Variants in TRAPPC9 observed in about 807,000 individuals in gnomAD.
TRAPPC9 encodes the protein trafficking protein particle complex subunit 9.
Under a neutral mutation model 124.0 loss-of-function variants are expected in TRAPPC9, and 83 were observed. The observed-to-expected ratio is 0.67, with a 90% CI of 0.56 to 0.80. The LOEUF is 0.80. Among genes scored for constraint, TRAPPC9 ranks in the 30% least tolerant of loss-of-function variants. The probability of loss-of-function intolerance (pLI) is 0.00; values close to 1 mark genes in which losing one functional copy is unlikely to be tolerated. For synonymous variants in TRAPPC9, 638 were observed against 617.5 expected (o/e 1.03, Z -0.49); for missense variants, 1,302 against 1,508.3 (o/e 0.86, Z 2.27).
At chr8:140,358,427 G>A (rs895015194) in intron 9 of TRAPPC9, among the ~76,000 whole-genome samples, 5 of 152,130 alleles carry the variant, frequency 3.3e-5, no homozygotes, top group Non-Finnish European at 7.3e-5. Flanking sequence ...GGCTGGTCTC[G>A]ATCTCCTGAC....
chr8:140,265,397 A>C (rs1043288054), intron 15 of TRAPPC9, among the ~76,000 whole-genome samples: 3 of 152,234 alleles, frequency 2.0e-5, no homozygotes, highest in Non-Finnish European at 4.4e-5. Context: ...GATGCCAACC[A>C]ACCAAGGTAT....
intron 5 of TRAPPC9, among the ~76,000 whole-genome samples, chr8:140,411,901 T>C (rs1488276433): frequency 6.6e-6 from 1 of 152,018 alleles, no homozygotes; most frequent in Non-Finnish European, 1.5e-5. Context: ...AAAATGCGAA[T>C]AAACACATAA....
intron 21 of TRAPPC9, among the ~76,000 whole-genome samples, chr8:139,850,730 C>T (rs1305697850): frequency 1.3e-5 from 2 of 152,164 alleles, no homozygotes; most frequent in African/African-American, 4.8e-5. Flanking sequence ...ATCCTTTCAC[C>T]ATCCAATTGT....
chr8:140,228,268 G>T (rs978136324), intron 16 of TRAPPC9, among the ~76,000 whole-genome samples: 2 of 152,198 alleles, frequency 1.3e-5, no homozygotes, highest in African/African-American at 4.8e-5. Flanking sequence ...GTTTGTCAGG[G>T]TATGCTGTTC....
At chr8:139,751,419 G>A (rs759124982) in intron 21 of TRAPPC9, among the ~76,000 whole-genome samples, 2 of 152,166 alleles carry the variant, frequency 1.3e-5, no homozygotes, top group African/African-American at 4.8e-5. Flanking sequence ...TGGTCCCAGG[G>A]CCATGCCCTA....
intron 17 of TRAPPC9, among the ~76,000 whole-genome samples, chr8:140,119,412 G>C (rs901689969): frequency 3.3e-5 from 5 of 152,120 alleles, no homozygotes; most frequent in Non-Finnish European, 7.4e-5. Flanking sequence ...CCACCACGCC[G>C]CCAGCACCAC....
At chr8:139,750,531 T>C (rs1459122372) in intron 21 of TRAPPC9, among the ~76,000 whole-genome samples, 2 of 152,170 alleles carry the variant, frequency 1.3e-5, no homozygotes. Flanking sequence ...AAAAGACCCA[T>C]GGAGCTGTGC....
chr8:140,035,364 T>C (rs1435068094), intron 17 of TRAPPC9, among the ~76,000 whole-genome samples: 1 of 152,338 alleles, frequency 6.6e-6, no homozygotes, highest in Non-Finnish European at 1.5e-5. Flanking sequence ...CCTTCCAAAG[T>C]TGTATGACTG....
intron 17 of TRAPPC9, among the ~76,000 whole-genome samples, chr8:140,126,676 T>C (rs1197228050): frequency 1.3e-5 from 2 of 152,258 alleles, no homozygotes; most frequent in East Asian, 3.8e-4. Context: ...ATTAGGACAG[T>C]GTATTTAGCC....
chr8:140,072,614 GA>G (rs1843252267), intron 17 of TRAPPC9, among the ~76,000 whole-genome samples: 2 of 142,876 alleles, frequency 1.4e-5, no homozygotes, highest in African/African-American at 5.6e-5. Flanking sequence ...GGAGGAGGAG[GA>G]GGAGGAGGAG....
intron 4 of TRAPPC9, among the ~76,000 whole-genome samples, chr8:140,430,388 T>C (rs1403680704): frequency 6.6e-6 from 1 of 151,902 alleles, no homozygotes; most frequent in Non-Finnish European, 1.5e-5. Flanking sequence ...CCACCCCCAT[T>C]CCTCCCCCAC....
At chr8:140,082,946 G>A (rs1054369751) in intron 17 of TRAPPC9, among the ~76,000 whole-genome samples, 2 of 152,190 alleles carry the variant, frequency 1.3e-5, no homozygotes, top group Non-Finnish European at 2.9e-5. Flanking sequence ...TGTAATCCCA[G>A]CACTTTGGGT....
intron 21 of TRAPPC9, among the ~76,000 whole-genome samples, chr8:139,784,606 GACATATATATAT>G (rs1227710409): frequency 1.6e-4 from 5 of 30,434 alleles, no homozygotes; most frequent in Admixed American, 4.5e-4. Context: ...ATAAAAGACT[GACATATATATAT>G]ATATATATAT....
intron 18 of TRAPPC9, among the ~76,000 whole-genome samples, chr8:140,001,580 A>G (rs1332293995): frequency 1.3e-5 from 2 of 152,204 alleles, no homozygotes; most frequent in African/African-American, 4.8e-5. Context: ...CAAAGGAAAA[A>G]GGAGAGAGAA....
intron 9 of TRAPPC9, among the ~76,000 whole-genome samples, chr8:140,355,237 C>T (rs369915950): frequency 4.6e-5 from 7 of 152,196 alleles, no homozygotes; most frequent in Non-Finnish European, 1.0e-4. Context: ...AAAAATCAAA[C>T]GCAATTTATA....
intron 19 of TRAPPC9, among the ~76,000 whole-genome samples, chr8:139,927,287 C>A (rs1832874107): frequency 6.6e-6 from 1 of 151,900 alleles, no homozygotes; most frequent in Non-Finnish European, 1.5e-5. Context: ...CTCTGTTACT[C>A]AAGCTGGAAT....
chr8:140,227,220 C>T (rs188186797), intron 16 of TRAPPC9, among the ~76,000 whole-genome samples: 9 of 151,842 alleles, frequency 5.9e-5, no homozygotes, highest in African/African-American at 1.9e-4. Flanking sequence ...TCACTGGGCG[C>T]GCCTGGGAAG....
At chr8:140,070,951 G>A (rs770433703) in intron 17 of TRAPPC9, among the ~76,000 whole-genome samples, 20 of 152,188 alleles carry the variant, frequency 1.3e-4, no homozygotes, top group Non-Finnish European at 2.6e-4. Context: ...GCAGAGGGAC[G>A]GGGGGCCCAG....
intron 17 of TRAPPC9, among the ~76,000 whole-genome samples, chr8:140,101,010 TAAG>T (rs1476760017): frequency 7.9e-5 from 12 of 152,254 alleles, no homozygotes; most frequent in Non-Finnish European, 1.5e-4. Context: ...AAGTTGAAAT[TAAG>T]AAATTTTCAC....
Sources: gnomAD v4.1 joint callset for allele counts (sites outside exome capture counted in the v4.1 genomes callset) on GRCh38, gnomAD v4.1.1 for gene constraint, MANE v1.5 for transcripts, NCBI Gene and HGNC (gene_info 2026-07-23, HGNC 2026-07-21) for gene names.